Variants in GLYR1 observed in about 807,000 individuals in gnomAD.
GLYR1 encodes the protein glyoxylate reductase 1 homolog.
Under a neutral mutation model 72.7 loss-of-function variants are expected in GLYR1, and 21 were observed. The observed-to-expected ratio is 0.29, with a 90% confidence interval of 0.20 to 0.42. The LOEUF (loss-of-function observed/expected upper bound fraction) is 0.42, where lower values mean the gene tolerates loss of function less well. Among genes scored for constraint, GLYR1 ranks in the 10% least tolerant of loss-of-function variants. The pLI is 1.00. For synonymous variants in GLYR1, 392 were observed against 270.2 expected, an observed-to-expected ratio of 1.45 and a Z score of -4.42; for missense variants, 594 against 712.1, an observed-to-expected ratio of 0.83 and a Z score of 1.89.
Position 4,832,191 on chromosome 16 carries a change from T to G in GLYR1, c.325A>C (p.Asn109His), listed in dbSNP as rs764668524. 3.1e-6 allele frequency: 5 copies of G among 1,614,056 alleles called. No homozygotes were observed. The East Asian group carries it at 1.1e-4, about 36-fold the overall frequency. ...CTCTCCTCACTGGAATTACGTCGAT[T>G]CTTGTCATCAGAAGAATTGTGGGAT... is the stretch of plus-strand genomic sequence containing the variant. Reference protein sequence around the residue: ...TSSHNSSDDKNRRNSSEERSR... With the variant: ...TSSHNSSDDKHRRNSSEERSR... Residue 109 changes from asparagine to histidine, a missense_variant, in exon 5 of 16, where the codon AAT (asparagine) becomes CAT (histidine). Asn to His is a moderately conservative substitution (Grantham distance 68). This residue lies in a region of GLYR1 where 252 missense variants were observed against 211.3 expected (regional missense o/e 1.19). Coordinates refer to ENST00000321919, the MANE Select transcript of GLYR1 (RefSeq NM_032569.4).
chr16:4,826,911 T>G lies in GLYR1; in HGVS notation c.538-3004A>C, dbSNP rs969811298. On this transcript the variant is annotated intron_variant, in intron 5 of 15. Transcript: ENST00000321919. Reference sequence around the variant, plus strand: ...ACAAGGAGGAGGCAGCTTGTAACTCTCAGTTTGGCACTAAGGAAGGGCCCC... The same window carrying G: ...ACAAGGAGGAGGCAGCTTGTAACTCGCAGTTTGGCACTAAGGAAGGGCCCC... 1.1e-4 allele frequency among the ~76,000 whole-genome samples: 17 copies of G among 152,198 alleles called. 1 individual carries two copies. Among genetic ancestry groups the G allele is most frequent in the African/African-American group, 4.1e-4 (17 of 41,450 alleles).
chr16:4,822,843 A>C (rs1226068192), intron 7 of GLYR1, 32 bp downstream of exon 7: 3 of 1,593,940 alleles, frequency 1.9e-6, no homozygotes, highest in Non-Finnish European at 2.6e-6. Context: ...CCAGCCCCTG[A>C]CCAAGGGCCA....
intron 9 of GLYR1, 70 bp from the exon 10 acceptor site, chr16:4,817,767 C>G: frequency 1.0e-6 from 1 of 972,318 alleles, no homozygotes; most frequent in Non-Finnish European, 1.7e-6. Context: ...TTCCATGCAG[C>G]ACAAGGCTCG....
intron 3 of GLYR1, among the ~76,000 whole-genome samples, chr16:4,836,837 A>T (rs1219835594): frequency 8.6e-5 from 13 of 152,032 alleles, no homozygotes; most frequent in Non-Finnish European, 1.6e-4. Context: ...AAACAAAACA[A>T]ATCAATACTA....
intron 3 of GLYR1, among the ~76,000 whole-genome samples, chr16:4,833,900 CAGTT>C (rs1567775551): frequency 6.6e-6 from 1 of 152,218 alleles, no homozygotes; most frequent in Non-Finnish European, 1.5e-5. Context: ...TACAAGGTAT[CAGTT>C]AGTTTACATG....
At chr16:4,839,827 T>A (rs534426695) in intron 3 of GLYR1, 13 of 152,358 alleles carry the variant, frequency 8.5e-5, no homozygotes, top group Non-Finnish European at 1.6e-4. Context: ...CTTGCAAATA[T>A]TAAAAAAGTA....
intron 9 of GLYR1, chr16:4,821,132 G>A (rs964188552): frequency 2.1e-5 from 12 of 568,146 alleles, no homozygotes; most frequent in Non-Finnish European, 3.8e-5. Flanking sequence ...ACTGAGCCAA[G>A]TGCTCCTTGC....
intron 3 of GLYR1, among the ~76,000 whole-genome samples, chr16:4,842,939 A>G (rs557797364): frequency 6.6e-6 from 1 of 152,138 alleles, no homozygotes; most frequent in South Asian, 2.1e-4. Flanking sequence ...GCGTTAAGCA[A>G]TCTGCCTGCC....
At chr16:4,827,625 G>A (rs2084476036) in intron 5 of GLYR1, among the ~76,000 whole-genome samples, 1 of 152,146 alleles carries the variant, frequency 6.6e-6, no homozygotes, top group Non-Finnish European at 1.5e-5. Flanking sequence ...AACGGGCCAG[G>A]CACGGTGGCT....
intron 5 of GLYR1, among the ~76,000 whole-genome samples, chr16:4,830,161 C>T (rs2084698830): frequency 1.3e-5 from 2 of 151,854 alleles, no homozygotes; most frequent in African/African-American, 2.4e-5. Flanking sequence ...AATCTGCTCA[C>T]CTCAGCCTCC....
chr16:4,817,570 C>A (rs749306936), intron 10 of GLYR1, 28 bp downstream of exon 10: 1 of 1,417,718 alleles, frequency 7.1e-7, no homozygotes, highest in African/African-American at 1.4e-5. Context: ...CTCCACCGAT[C>A]CAACAGGCAC....
chr16:4,822,540 G>A (rs976639341), intron 7 of GLYR1, among the ~76,000 whole-genome samples: 1 of 149,822 alleles, frequency 6.7e-6, no homozygotes, highest in South Asian at 2.1e-4. Flanking sequence ...ACAGGCACGC[G>A]CCACCATGCC....
intron 9 of GLYR1, among the ~76,000 whole-genome samples, chr16:4,819,527 T>C (rs924935343): frequency 6.6e-6 from 1 of 152,158 alleles, no homozygotes; most frequent in Non-Finnish European, 1.5e-5. Context: ...CCTAGGCTGG[T>C]CATGAACTCC....
At chr16:4,809,593 C>CA (rs1335677572) in intron 15 of GLYR1, among the ~76,000 whole-genome samples, 1 of 127,292 alleles carries the variant, frequency 7.9e-6, no homozygotes, top group Non-Finnish European at 1.6e-5. Context: ...GCTTGGGTGA[C>CA]AGAGCGAAAC....
At chr16:4,812,552 G>A (rs907257771) in intron 12 of GLYR1, among the ~76,000 whole-genome samples, 1 of 151,876 alleles carries the variant, frequency 6.6e-6, no homozygotes, top group Non-Finnish European at 1.5e-5. Flanking sequence ...GAGTGCAGTG[G>A]AGCGATCTCG....
At chr16:4,817,181 G>A (rs7192975) in intron 10 of GLYR1, among the ~76,000 whole-genome samples, 2,555 of 150,584 alleles carry the variant, frequency 0.017, 71 homozygotes, top group African/African-American at 0.059. Flanking sequence ...GTGCAGTGGC[G>A]CGATCTCGGC....
At chr16:4,826,830 C>G (rs961275163) in intron 5 of GLYR1, among the ~76,000 whole-genome samples, 4 of 152,188 alleles carry the variant, frequency 2.6e-5, no homozygotes, top group African/African-American at 9.6e-5. Flanking sequence ...GGCAGCACAG[C>G]TGTCTTGGGT....
chr16:4,810,999 G>A (rs1320058574), intron 15 of GLYR1, among the ~76,000 whole-genome samples, 171 bp downstream of exon 15: 1 of 151,716 alleles, frequency 6.6e-6, no homozygotes, highest in Non-Finnish European at 1.5e-5. Flanking sequence ...CAACTACTCA[G>A]GAGGCTGAGG....
At position 4,823,893 on chromosome 16, in the gene GLYR1, C is replaced by T. The variant is rs757591827; in HGVS notation, c.552G>A (p.Pro184=). 2.1e-5 allele frequency: 34 copies of T among 1,613,832 alleles called. No homozygotes were observed. In the East Asian group the frequency reaches 2.9e-4, roughly 14 times the overall value. Residue 184 remains proline (P), a synonymous_variant, in exon 6 of 16, where the codon CCG becomes CCA. Transcript: ENST00000321919. The part of the protein sequence containing the change: ...PPKDEKDLTI[P]ESSTVKGMMA... ...TCATCCCCTTCACGGTACTAGACTCCGGGATGGTGAGATCCTATAGAGGGA... is the reference window on the plus strand; with the variant it reads ...TCATCCCCTTCACGGTACTAGACTCTGGGATGGTGAGATCCTATAGAGGGA...
Sources: allele counts gnomAD v4.1 joint callset (sites outside exome capture counted in the v4.1 genomes callset), GRCh38; gene constraint gnomAD v4.1.1; regional missense constraint gnomAD v4.1.1; transcripts MANE v1.5; gene names NCBI Gene and HGNC (gene_info 2026-07-23, HGNC 2026-07-21).